Variants in CXADR observed in about 807,000 individuals in gnomAD.
CXADR encodes CXADR cell adhesion molecule.
Under a neutral mutation model 40.3 loss-of-function variants are expected in CXADR, and 20 were observed. The observed-to-expected ratio is 0.50, with a 90% CI of 0.35 to 0.72. The LOEUF (loss-of-function observed/expected upper bound fraction) is 0.72, where lower values mean the gene tolerates loss of function less well. CXADR is among the 30% of genes least tolerant of loss of function. CXADR has a pLI of 0.01. For missense variants in CXADR, 332 were observed against 449.1 expected (o/e 0.74, Z 2.36); for synonymous variants, 150 against 161.3 (o/e 0.93, Z 0.53).
chr21:17,567,511 C>T lies in CXADR; in HGVS notation c.*1819C>T, dbSNP rs150026542. The T allele has an allele frequency of 6.9e-5, 68 of 985,376 alleles. No homozygotes were observed. In the East Asian group the frequency reaches 7.0e-3, roughly 102 times the overall value. The allele number at this position is 985,376 out of a possible 1,614,324, so 61.0% of individuals were successfully genotyped here. A position where few individuals can be genotyped will look rare whatever the true frequency, so the allele number is the denominator to read the frequency against. On this transcript the variant is annotated 3_prime_UTR_variant, in exon 7 of 7. Coordinates refer to ENST00000284878, the MANE Select transcript of CXADR (RefSeq NM_001338.5). ...GAGGTGAAGGTACTGTTTCTAAAAACACATCACTGTGATACCTTTCTATCC... is the reference window on the plus strand; with the variant it reads ...GAGGTGAAGGTACTGTTTCTAAAAATACATCACTGTGATACCTTTCTATCC...
chr21:17,564,688 A>G (rs1200525036), intron 6 of CXADR, among the ~76,000 whole-genome samples: 1 of 152,050 alleles, frequency 6.6e-6, no homozygotes, highest in Non-Finnish European at 1.5e-5. Flanking sequence ...ACTTTAATAT[A>G]AAAAGAATTT....
chr21:17,574,673 G>A (rs2061305557), downstream of CXADR, among the ~76,000 whole-genome samples: 4 of 152,134 alleles, frequency 2.6e-5, 1 homozygote, highest in South Asian at 2.1e-4. Flanking sequence ...ATTTTAGACA[G>A]GAATAGATGA....
At chr21:17,608,113 T>C in the CXADR span, among the ~76,000 whole-genome samples, 22 of 152,270 alleles carry the variant, frequency 1.4e-4, no homozygotes, top group Non-Finnish European at 2.9e-4. Flanking sequence ...ACGCCTGTAA[T>C]CCTCACATTC....
chr21:17,617,650 A>G, the CXADR span, among the ~76,000 whole-genome samples: 2 of 152,186 alleles, frequency 1.3e-5, no homozygotes, highest in East Asian at 1.9e-4. Context: ...TGTGTCTAAA[A>G]AGTACTTAAT....
At chr21:17,592,160 G>C (rs927532676) in intron 7 of CXADR, among the ~76,000 whole-genome samples, 8 of 151,964 alleles carry the variant, frequency 5.3e-5, no homozygotes, top group Non-Finnish European at 1.0e-4. Flanking sequence ...CTGGCTACTA[G>C]GTATGTGCCA....
At chr21:17,523,582 A>G (rs558324629) in intron 1 of CXADR, among the ~76,000 whole-genome samples, 1 of 152,314 alleles carries the variant, frequency 6.6e-6, no homozygotes, top group African/African-American at 2.4e-5. Context: ...GCTTTGTGTC[A>G]TTAAATAAAG....
intron 1 of CXADR, among the ~76,000 whole-genome samples, chr21:17,531,937 G>GTT (rs59350424): frequency 0.064 from 8,967 of 140,818 alleles, 437 homozygotes; most frequent in African/African-American, 0.13. Flanking sequence ...TGTTTTTTGG[G>GTT]TTTTTTTTTT....
intron 7 of CXADR, among the ~76,000 whole-genome samples, chr21:17,590,861 C>A (rs879551446): frequency 1.3e-5 from 2 of 152,028 alleles, no homozygotes; most frequent in Non-Finnish European, 2.9e-5. Context: ...CTTCACTCTA[C>A]TGGGTTGTAC....
rs79502982 is a variant in CXADR, at chr21:17,559,419, A to G, written c.571+288A>G. Among the ~76,000 whole-genome samples the G allele has an allele frequency of 8.2e-3, 1,255 of 152,122 alleles. 69 individuals carry two copies. The East Asian group carries it at 0.16, about 19-fold the overall frequency. On this transcript the variant is annotated intron_variant, in intron 4 of 6. Transcript: ENST00000284878. ...GTGCTGGTCTCAAACTCCTGGGCTC[A>G]AGGAGTCCTCTTTCCTTGGCCTCCC...
intron 1 of CXADR, among the ~76,000 whole-genome samples, chr21:17,535,786 C>T (rs1248683348): frequency 1.3e-5 from 2 of 152,138 alleles, no homozygotes; most frequent in East Asian, 1.9e-4. Context: ...GCAGGTGGAT[C>T]GCCTGAGTTC....
chr21:17,612,286 G>C, the CXADR span: 1 of 152,066 alleles, frequency 6.6e-6, no homozygotes, highest in African/African-American at 2.4e-5. Flanking sequence ...CCCTGGGTTC[G>C]AGGACCCGGC....
At chr21:17,574,285 A>G (rs2061302598), downstream of CXADR, among the ~76,000 whole-genome samples, 1 of 152,228 alleles carries the variant, frequency 6.6e-6, no homozygotes, top group South Asian at 2.1e-4. Flanking sequence ...GTCTGAGTAT[A>G]TAGTGAAAAA....
intron 1 of CXADR, among the ~76,000 whole-genome samples, chr21:17,535,041 G>A (rs1413335007): frequency 2.6e-5 from 4 of 151,976 alleles, no homozygotes; most frequent in South Asian, 2.1e-4. Flanking sequence ...CTTGGCCTCC[G>A]AAAGTGCTGG....
chr21:17,520,516 A>G lies in CXADR; in HGVS notation c.43+7344A>G, dbSNP rs145287800. ...TACTGAGAGCTTGGTGGGAGCTGAC[A>G]GGTCTGTCAGGTTATGCACCCTAAC... On this transcript the variant is annotated intron_variant, in intron 1 of 6. Coordinates refer to ENST00000284878, the MANE Select transcript of CXADR (RefSeq NM_001338.5). Among the ~76,000 whole-genome samples the G allele has an allele frequency of 2.0e-5, 3 of 152,318 alleles. No homozygotes were observed. The East Asian group carries it at 5.8e-4, about 29-fold the overall frequency.
At chr21:17,540,286 G>T (rs1445188500) in intron 1 of CXADR, among the ~76,000 whole-genome samples, 1 of 151,988 alleles carries the variant, frequency 6.6e-6, no homozygotes, top group East Asian at 1.9e-4. Context: ...GAATTTTGGG[G>T]GGGACATGAT....
At chr21:17,615,972 G>A in the CXADR span, among the ~76,000 whole-genome samples, 1 of 152,170 alleles carries the variant, frequency 6.6e-6, no homozygotes, top group Non-Finnish European at 1.5e-5. Flanking sequence ...AACAGTCGGC[G>A]GGTCGTGGTG....
chr21:17,614,594 T>G, the CXADR span, among the ~76,000 whole-genome samples: 1 of 152,126 alleles, frequency 6.6e-6, no homozygotes, highest in Admixed American at 6.6e-5. Context: ...AATACACAAA[T>G]TAGCCAGGTG....
chr21:17,572,231 C>T (rs932877880), downstream of CXADR, among the ~76,000 whole-genome samples: 2 of 138,542 alleles, frequency 1.4e-5, no homozygotes, highest in Non-Finnish European at 3.1e-5. Flanking sequence ...ATTAGGCAGG[C>T]GTGGTGGTGC....
the CXADR span, among the ~76,000 whole-genome samples, chr21:17,605,986 G>A: frequency 6.6e-6 from 1 of 152,038 alleles, no homozygotes; most frequent in Non-Finnish European, 1.5e-5. Context: ...AAAGACTAAT[G>A]TGCTATTTAA....
Sources: gnomAD v4.1 joint callset for allele counts (sites outside exome capture counted in the v4.1 genomes callset) on GRCh38, gnomAD v4.1.1 for gene constraint, MANE v1.5 for transcripts, NCBI Gene and HGNC (gene_info 2026-07-23, HGNC 2026-07-21) for gene names.